RGS12: variants seen among roughly 807,000 people sequenced by gnomAD.
RGS12 encodes regulator of G-protein signaling 12.
RGS12 carries 66 observed loss-of-function variants against 120.1 expected under a neutral mutation model. The observed-to-expected ratio is 0.55, with a 90% CI of 0.45 to 0.67. The LOEUF (loss-of-function observed/expected upper bound fraction) is 0.67, where lower values mean the gene tolerates loss of function less well. Ranked by LOEUF, RGS12 falls within the 30% of genes least tolerant of loss-of-function variation. RGS12 has a pLI of 0.00. For synonymous variants in RGS12, 827 were observed against 804.7 expected (o/e 1.03, Z -0.47); for missense variants, 1,859 against 1,957.7 (o/e 0.95, Z 0.95).
intron 1 of RGS12, among the ~76,000 whole-genome samples, chr4:3,294,886 C>T (rs990422331): frequency 4.6e-5 from 7 of 152,108 alleles, no homozygotes; most frequent in African/African-American, 1.7e-4. Flanking sequence ...GGAGGAAAGG[C>T]CCCTCACGTG....
intron 3 of RGS12, among the ~76,000 whole-genome samples, chr4:3,368,818 CTG>C (rs1378916201): frequency 2.0e-5 from 3 of 151,656 alleles, no homozygotes; most frequent in African/African-American, 7.3e-5. Flanking sequence ...CTGGTTTTGT[CTG>C]AGAGATGTGG....
intron 4 of RGS12, among the ~76,000 whole-genome samples, chr4:3,395,770 GCCTTT>G (rs1247873415): frequency 6.6e-6 from 1 of 152,060 alleles, no homozygotes; most frequent in Non-Finnish European, 1.5e-5. Context: ...TAGGTTATCT[GCCTTT>G]CCTTATTGAT....
intron 16 of RGS12, among the ~76,000 whole-genome samples, chr4:3,429,171 T>G (rs1412222175): frequency 1.3e-5 from 2 of 152,088 alleles, no homozygotes; most frequent in Admixed American, 1.3e-4. Flanking sequence ...CTCTCTTGGC[T>G]GCGGGGGTCA....
At chr4:3,308,633 T>A (rs1724109834) in intron 1 of RGS12, among the ~76,000 whole-genome samples, 1 of 152,216 alleles carries the variant, frequency 6.6e-6, no homozygotes, top group South Asian at 2.1e-4. Flanking sequence ...GGCTCTGTGT[T>A]CTTAGGTGTC....
chr4:3,414,328 G>A, intron 5 of RGS12, 87 bp downstream of exon 5: 1 of 1,392,810 alleles, frequency 7.2e-7, no homozygotes, highest in Admixed American at 2.5e-5. Flanking sequence ...CCTAGAGACA[G>A]CGGCACCCTG....
At chr4:3,394,099 C>A (rs1195894976) in intron 4 of RGS12, among the ~76,000 whole-genome samples, 14 of 152,162 alleles carry the variant, frequency 9.2e-5, no homozygotes, top group Admixed American at 9.2e-4. Context: ...CCCTTCCTGC[C>A]GGCATCTCTC....
At position 3,433,172 on chromosome 4, in the gene RGS12, G is replaced by C. The variant is rs889129625; in HGVS notation, c.4114+2217G>C. On this transcript the variant is annotated intron_variant, in intron 17 of 17. Transcript: ENST00000336727. This position sits in a 1 kb window ranked among gnomAD's most constrained non-coding sequence, Gnocchi z 4.4. ...ACCTGTCCGTTTTCAGGGTTTAGGA[G>C]CTTGGGGGTCATCCCGGGTCACGCT... Among the ~76,000 whole-genome samples the C allele has an allele frequency of 6.6e-6, 1 of 152,202 alleles. No homozygotes were observed. The highest frequency in any genetic ancestry group is 1.5e-5 in the Non-Finnish European group (1 of 68,026).
In RGS12 at chr4:3,369,917, C is replaced by A. The variant is rs538441642; in HGVS notation, c.1999-16499C>A. ...TGGCAGCTGTAATTAAGGTTGTGAA[C>A]TGCACCACGATGCTAAAAAAAACAA... On this transcript the variant is annotated intron_variant, in intron 3 of 17. Transcript: ENST00000336727. 2.4e-5 allele frequency: 16 copies of A among 657,620 alleles called. No individual in the cohort carries two copies. In the East Asian group the frequency reaches 5.3e-4, roughly 22 times the overall value. The allele number at this position is 657,620 out of a possible 1,614,324, so 40.7% of individuals were successfully genotyped here.
chr4:3,351,503 G>C (rs569794380), intron 3 of RGS12, among the ~76,000 whole-genome samples: 1 of 152,018 alleles, frequency 6.6e-6, no homozygotes, highest in East Asian at 1.9e-4. Context: ...CTGCATCGTT[G>C]GTTGCCATAG....
At chr4:3,368,636 GT>G (rs1297489628) in intron 3 of RGS12, among the ~76,000 whole-genome samples, 1 of 117,150 alleles carries the variant, frequency 8.5e-6, no homozygotes, top group Non-Finnish European at 1.8e-5. Context: ...ACATGTGTGT[GT>G]GTGGTACGTG....
chr4:3,393,048 C>G (rs903898869), intron 4 of RGS12, among the ~76,000 whole-genome samples: 6 of 152,170 alleles, frequency 3.9e-5, no homozygotes, highest in African/African-American at 1.2e-4. Flanking sequence ...CCCTTAGATG[C>G]CAGTGCTATC....
At chr4:3,331,204 C>T (rs1171675830) in intron 2 of RGS12, among the ~76,000 whole-genome samples, 4 of 152,016 alleles carry the variant, frequency 2.6e-5, no homozygotes, top group Non-Finnish European at 5.9e-5. Context: ...TTCTAACACC[C>T]CTCAAAGAAA....
At chr4:3,327,016 CA>C (rs1725589747) in intron 2 of RGS12, among the ~76,000 whole-genome samples, 1 of 152,042 alleles carries the variant, frequency 6.6e-6, no homozygotes, top group Non-Finnish European at 1.5e-5. Context: ...CAATTCTAAG[CA>C]AAAAGAACAA....
intron 1 of RGS12, among the ~76,000 whole-genome samples, chr4:3,308,337 A>C (rs2090424806): frequency 6.6e-6 from 1 of 152,224 alleles, no homozygotes; most frequent in African/African-American, 2.4e-5. Context: ...GATTCTGTTC[A>C]CTGTCACAGG....
intron 2 of RGS12, among the ~76,000 whole-genome samples, chr4:3,340,291 G>C (rs1397514053): frequency 6.6e-6 from 1 of 152,256 alleles, no homozygotes; most frequent in Non-Finnish European, 1.5e-5. Context: ...CGCTGCTGCT[G>C]TCGTCCCATG....
intron 9 of RGS12, chr4:3,420,299 C>G: frequency 3.0e-6 from 1 of 338,858 alleles, no homozygotes; most frequent in Non-Finnish European, 5.5e-6. Flanking sequence ...GGGACATGCA[C>G]CTGGGTCTGT....
Position 3,316,335 on chromosome 4 carries a change from C to T in RGS12, c.165C>T (p.Phe55=), listed in dbSNP as rs141866851. ...SCVMRGSPAD[F]VGLRAGDQIL... ...TCATGAGAGGGAGCCCTGCGGATTTCGTGGGCCTCCGAGCTGGAGACCAGA... is the reference window on the plus strand; with the variant it reads ...TCATGAGAGGGAGCCCTGCGGATTTTGTGGGCCTCCGAGCTGGAGACCAGA... The change falls in exon 2 of 18, where the codon TTC becomes TTT. Residue 55 remains phenylalanine (F), a synonymous_variant. Coordinates refer to ENST00000336727, the MANE Select transcript of RGS12 (RefSeq NM_001394154.1). 8.3e-4 allele frequency: 1,332 copies of T among 1,614,156 alleles called. 1 individual carries two copies. The highest frequency in any genetic ancestry group is 1.1e-3 in the Non-Finnish European group (1,260 of 1,180,016).
chr4:3,301,314 T>C (rs933368452), intron 1 of RGS12, among the ~76,000 whole-genome samples: 3 of 152,230 alleles, frequency 2.0e-5, no homozygotes, highest in African/African-American at 7.2e-5. Flanking sequence ...ACATTGGCAA[T>C]GATTTTGTCT....
intron 1 of RGS12, among the ~76,000 whole-genome samples, chr4:3,297,321 C>T (rs1723436348): frequency 6.6e-6 from 1 of 152,218 alleles, no homozygotes; most frequent in Admixed American, 6.5e-5. Flanking sequence ...CAGTTGTAGG[C>T]ATTCTCCTGC....
Sources: allele counts gnomAD v4.1 joint callset (sites outside exome capture counted in the v4.1 genomes callset), GRCh38; gene constraint gnomAD v4.1.1; non-coding constraint Gnocchi (gnomAD v3.1); transcripts MANE v1.5; gene names NCBI Gene and HGNC (gene_info 2026-07-23, HGNC 2026-07-21).